The following PLXDC2 variants were observed in gnomAD, a reference collection of about 807,000 sequenced individuals.
PLXDC2 encodes the protein plexin domain containing 2.
A neutral mutation model predicts 68.9 loss-of-function variants in PLXDC2; 40 were observed. That is an observed-to-expected ratio of 0.58 (90% CI 0.45 to 0.76). The LOEUF (loss-of-function observed/expected upper bound fraction) is 0.76, where lower values mean the gene tolerates loss of function less well. Among genes scored for constraint, PLXDC2 ranks in the 30% least tolerant of loss-of-function variants. The pLI is 0.00. For synonymous variants in PLXDC2, 243 were observed against 234.2 expected (o/e 1.04, Z -0.34); for missense variants, 644 against 661.9 (o/e 0.97, Z 0.30).
intron 2 of PLXDC2, 50 bp downstream of exon 2, chr10:20,002,036 G>A (rs376582076): frequency 2.6e-6 from 4 of 1,541,572 alleles, no homozygotes; most frequent in African/African-American, 1.4e-5. Flanking sequence ...TTTATTTCAT[G>A]TAGGTGCCCA....
intron 1 of PLXDC2, among the ~76,000 whole-genome samples, chr10:19,984,615 A>T (rs942456701): frequency 1.3e-5 from 2 of 152,196 alleles, no homozygotes; most frequent in African/African-American, 4.8e-5. Flanking sequence ...TTCAAGGCAA[A>T]TAGTGATTTC....
In PLXDC2 at chr10:20,176,709, T is replaced by G. The variant is rs1041566372; in HGVS notation, c.884-290T>G. On this transcript the variant is annotated intron_variant, in intron 7 of 13. Coordinates refer to ENST00000377252, the MANE Select transcript of PLXDC2 (RefSeq NM_032812.9). Reference sequence around the variant, plus strand: ...TCAAAATCTTTGAAAATATGTAAATTTATCCAAAAAAATCTTTAGTATAGT... The same window carrying G: ...TCAAAATCTTTGAAAATATGTAAATGTATCCAAAAAAATCTTTAGTATAGT... 2.6e-5 allele frequency among the ~76,000 whole-genome samples: 4 copies of G among 152,202 alleles called. No individual in the cohort carries two copies. In the East Asian group the frequency reaches 7.7e-4, roughly 29 times the overall value.
At chr10:19,947,090 C>T (rs1833913448) in intron 1 of PLXDC2, among the ~76,000 whole-genome samples, 4 of 152,034 alleles carry the variant, frequency 2.6e-5, no homozygotes, top group Admixed American at 2.6e-4. Flanking sequence ...AGACAGCTGG[C>T]TTTGGAGATG....
chr10:20,186,306 G>A (rs1013005942), intron 9 of PLXDC2, among the ~76,000 whole-genome samples: 1 of 151,934 alleles, frequency 6.6e-6, no homozygotes, highest in African/African-American at 2.4e-5. Flanking sequence ...GACTTTAATT[G>A]TTTGCAGTTA....
At chr10:20,021,527 C>T (rs1835309072) in intron 2 of PLXDC2, among the ~76,000 whole-genome samples, 2 of 151,880 alleles carry the variant, frequency 1.3e-5, no homozygotes, top group Non-Finnish European at 2.9e-5. Context: ...ATTTTTCATC[C>T]ACAGATTATT....
Position 19,920,894 on chromosome 10 carries a change from GT to G in PLXDC2, c.113-80878del. Among the ~76,000 whole-genome samples the G allele has an allele frequency of 1.3e-5, 2 of 151,776 alleles. 1 individual carries two copies. Among genetic ancestry groups the G allele is most frequent in the East Asian group, 3.9e-4 (2 of 5,184 alleles). ...TAAGTGAACATTTAAATTAACTTCAGTTTGTATGATTTTTATTATTTTTATT... is the reference window on the plus strand; with the variant it reads ...TAAGTGAACATTTAAATTAACTTCAGTTGTATGATTTTTATTATTTTTATT... On this transcript the variant is annotated intron_variant, in intron 1 of 13. Coordinates refer to ENST00000377252, the MANE Select transcript of PLXDC2 (RefSeq NM_032812.9).
At chr10:20,166,415 A>G (rs1186159434) in intron 7 of PLXDC2, among the ~76,000 whole-genome samples, 1 of 152,150 alleles carries the variant, frequency 6.6e-6, no homozygotes, top group Non-Finnish European at 1.5e-5. Flanking sequence ...TGAACAAAGC[A>G]AGGATACATG....
rs116836744 is a variant in PLXDC2, at chr10:19,935,256, T to A, written c.113-66519T>A. Among the ~76,000 whole-genome samples the A allele has an allele frequency of 8.3e-3, 1,266 of 152,272 alleles. 25 individuals carry two copies. Among genetic ancestry groups the A allele is most frequent in the African/African-American group, 0.029 (1,201 of 41,552 alleles). ...GATGCTCCACCATCAGCCACGTGCT[T>A]CTGCGCCTGGCTTTGAGTAACAGGC... On this transcript the variant is annotated intron_variant, in intron 1 of 13. Transcript: ENST00000377252.
chr10:20,218,666 T>C (rs532466378), intron 11 of PLXDC2, among the ~76,000 whole-genome samples: 4 of 152,234 alleles, frequency 2.6e-5, no homozygotes, highest in African/African-American at 9.6e-5. Context: ...TTGACAAATC[T>C]TAACTGTCAC....
chr10:20,123,833 A>T (rs1248941208), intron 4 of PLXDC2, among the ~76,000 whole-genome samples: 1 of 151,886 alleles, frequency 6.6e-6, no homozygotes, highest in Admixed American at 6.6e-5. Context: ...GGGTGCAGAG[A>T]TATAAGAGGT....
intron 13 of PLXDC2, among the ~76,000 whole-genome samples, chr10:20,255,191 G>GGATGGATA (rs1491435152): frequency 4.1e-5 from 4 of 96,732 alleles, no homozygotes; most frequent in East Asian, 2.6e-4. Context: ...ATAGGTGGAT[G>GGATGGATA]GATAGATAGA....
chr10:20,250,271 CAAAAAA>C (rs35463564), intron 13 of PLXDC2, among the ~76,000 whole-genome samples: 26 of 108,464 alleles, frequency 2.4e-4, no homozygotes, highest in African/African-American at 3.6e-4. Context: ...GATCCTGTTT[CAAAAAA>C]AAAAAAAAAA....
At chr10:20,152,559 T>A (rs1834165810) in intron 6 of PLXDC2, among the ~76,000 whole-genome samples, 1 of 152,174 alleles carries the variant, frequency 6.6e-6, no homozygotes, top group Non-Finnish European at 1.5e-5. Flanking sequence ...TTTAAAGTTC[T>A]TTTTCTCAAA....
chr10:19,904,284 T>C, intron 1 of PLXDC2, among the ~76,000 whole-genome samples: 1 of 152,176 alleles, frequency 6.6e-6, no homozygotes, highest in East Asian at 1.9e-4. Context: ...AGTGGAGCAT[T>C]ACGTCCCCCA....
chr10:19,983,941 A>T (rs1295392069), intron 1 of PLXDC2, among the ~76,000 whole-genome samples: 1 of 152,046 alleles, frequency 6.6e-6, no homozygotes, highest in Non-Finnish European at 1.5e-5. Context: ...CCAATAATTA[A>T]TCCTGATATT....
chr10:19,994,615 C>G (rs958209876), intron 1 of PLXDC2, among the ~76,000 whole-genome samples: 1 of 152,068 alleles, frequency 6.6e-6, no homozygotes, highest in African/African-American at 2.4e-5. Flanking sequence ...TCCCAAAGTG[C>G]TGGGATTAAA....
chr10:19,934,733 A>T (rs1035453542), intron 1 of PLXDC2, among the ~76,000 whole-genome samples: 1 of 152,206 alleles, frequency 6.6e-6, no homozygotes, highest in Non-Finnish European at 1.5e-5. Context: ...CTTCCTATCC[A>T]ATGCAGTGCC....
At chr10:20,263,132 A>G (rs983255521) in intron 13 of PLXDC2, among the ~76,000 whole-genome samples, 1 of 152,242 alleles carries the variant, frequency 6.6e-6, no homozygotes, top group Admixed American at 6.5e-5. Context: ...AGTGAGCAAA[A>G]CAGTATGGTA....
At chr10:19,834,669 G>A (rs1391426382) in intron 1 of PLXDC2, among the ~76,000 whole-genome samples, 1 of 152,208 alleles carries the variant, frequency 6.6e-6, no homozygotes, top group Non-Finnish European at 1.5e-5. Flanking sequence ...GGACTGAGAT[G>A]ACTGAATTAA....
Sources: allele counts gnomAD v4.1 joint callset (sites outside exome capture counted in the v4.1 genomes callset), GRCh38; gene constraint gnomAD v4.1.1; transcripts MANE v1.5; gene names NCBI Gene and HGNC (gene_info 2026-07-23, HGNC 2026-07-21).